COL4A4: variants seen among roughly 807,000 people sequenced by gnomAD.
The protein encoded by COL4A4 is collagen alpha-4(IV) chain.
A neutral mutation model predicts 192.9 loss-of-function variants in COL4A4; 105 were observed. That is an observed-to-expected ratio of 0.54 (90% confidence interval 0.46 to 0.64). COL4A4 has a LOEUF of 0.64. Ranked by LOEUF, COL4A4 falls within the 30% of genes least tolerant of loss-of-function variation. The pLI is 0.00. For missense variants in COL4A4, 1,967 were observed against 2,169.3 expected (o/e 0.91, Z 1.85); for synonymous variants, 762 against 769.9 (o/e 0.99, Z 0.17).
At chr2:227,096,271 A>G (rs2060202040) in intron 19 of COL4A4, among the ~76,000 whole-genome samples, 1 of 152,182 alleles carries the variant, frequency 6.6e-6, no homozygotes, top group South Asian at 2.1e-4. Flanking sequence ...TACACAAGAG[A>G]AATCAGAGAG....
chr2:227,114,778 T>A, intron 7 of COL4A4, 82 bp from the exon 8 acceptor site: 1 of 1,122,174 alleles, frequency 8.9e-7, no homozygotes, highest in Non-Finnish European at 1.3e-6. Flanking sequence ...AAAATATAAC[T>A]CATCAGTTAA....
At chr2:227,042,324 C>T (rs1971634042) in intron 36 of COL4A4, 69 bp from the exon 37 acceptor site, 1 of 877,632 alleles carries the variant, frequency 1.1e-6, no homozygotes, top group Admixed American at 1.8e-5. Context: ...CAAAAGTCAT[C>T]TATGTTCTTA....
intron 43 of COL4A4, 77 bp from the exon 44 acceptor site, chr2:227,022,250 T>C (rs1401553502): frequency 1.3e-6 from 2 of 1,552,506 alleles, no homozygotes; most frequent in Non-Finnish European, 1.8e-6. Context: ...CTGGTTAAAG[T>C]TGGACTTCTG....
At chr2:227,137,223 C>A (rs566908165) in intron 4 of COL4A4, among the ~76,000 whole-genome samples, 1 of 152,162 alleles carries the variant, frequency 6.6e-6, no homozygotes, top group Non-Finnish European at 1.5e-5. Context: ...CAATGCCTTG[C>A]GCTTGTTTAA....
chr2:227,031,290 G>A (rs1244580024), intron 40 of COL4A4, among the ~76,000 whole-genome samples: 1 of 152,144 alleles, frequency 6.6e-6, no homozygotes. Flanking sequence ...AAGATTCAAA[G>A]ATGATGGGCA....
At chr2:227,058,029 AAAGAAC>A (rs1975913553) in intron 28 of COL4A4, among the ~76,000 whole-genome samples, 1 of 152,224 alleles carries the variant, frequency 6.6e-6, no homozygotes, top group South Asian at 2.1e-4. Context: ...AATCTTCAGG[AAAGAAC>A]ATCCCCCATA....
intron 44 of COL4A4, among the ~76,000 whole-genome samples, chr2:227,016,310 C>T (rs1964843535): frequency 6.6e-6 from 1 of 152,182 alleles, no homozygotes; most frequent in Non-Finnish European, 1.5e-5. Flanking sequence ...TGTTCATTCA[C>T]CAAATGTTTA....
chr2:227,155,424 A>T (rs965673764), intron 1 of COL4A4, among the ~76,000 whole-genome samples: 4 of 152,206 alleles, frequency 2.6e-5, no homozygotes, highest in Non-Finnish European at 5.9e-5. Context: ...ATGTTCCAAA[A>T]TTATACAACT....
chr2:227,157,367 C>A (rs114492895), intron 1 of COL4A4, among the ~76,000 whole-genome samples: 168 of 152,046 alleles, frequency 1.1e-3, no homozygotes, highest in African/African-American at 3.7e-3. Flanking sequence ...AATCAATTAC[C>A]TAAGCTTCTA....
At chr2:227,082,380 T>C (rs1005769174) in intron 22 of COL4A4, among the ~76,000 whole-genome samples, 193 bp from the exon 23 acceptor site, 1 of 152,216 alleles carries the variant, frequency 6.6e-6, no homozygotes, top group Admixed American at 6.5e-5. Flanking sequence ...TTGAACTACA[T>C]GTCAAATGTA....
chr2:227,092,859 CTT>C (rs1231632927), intron 20 of COL4A4, among the ~76,000 whole-genome samples: 1 of 152,154 alleles, frequency 6.6e-6, no homozygotes, highest in East Asian at 1.9e-4. Context: ...CTAAATTCAT[CTT>C]CCGTAAAGGA....
the COL4A4 span, chr2:226,988,420 C>T: frequency 3.9e-6 from 6 of 1,550,356 alleles, no homozygotes; most frequent in African/African-American, 8.2e-5. Context: ...GCCTGGGAAG[C>T]CTGAAGCAGG....
chr2:227,090,028 G>T, intron 20 of COL4A4, 71 bp from the exon 21 acceptor site: 1 of 1,279,844 alleles, frequency 7.8e-7, no homozygotes, highest in Non-Finnish European at 1.1e-6. Context: ...TAGAATAAGT[G>T]ACTTTTGCAC....
chr2:227,039,903 C>T (rs537393953), intron 37 of COL4A4, among the ~76,000 whole-genome samples: 5 of 152,138 alleles, frequency 3.3e-5, no homozygotes, highest in African/African-American at 7.2e-5. Flanking sequence ...TCAATGAAGA[C>T]GGAGAACAGT....
At chr2:226,998,006 TTATCTC>T (rs771518831), downstream of COL4A4, 11 of 152,232 alleles carry the variant, frequency 7.2e-5, no homozygotes, top group Non-Finnish European at 1.6e-4. Context: ...ATTAGACTAA[TTATCTC>T]TAGTAGGGAA....
At chr2:227,060,077 T>G (rs1457527880) in intron 27 of COL4A4, 59 bp downstream of exon 27, 1 of 1,045,158 alleles carries the variant, frequency 9.6e-7, no homozygotes, top group Admixed American at 2.4e-5. Flanking sequence ...TGTTAAAAAG[T>G]TCCTGATAGA....
At chr2:227,148,856 T>C (rs984789730) in intron 1 of COL4A4, among the ~76,000 whole-genome samples, 2 of 151,362 alleles carry the variant, frequency 1.3e-5, no homozygotes, top group Non-Finnish European at 2.9e-5. Context: ...TTTTTTTTTT[T>C]CTGAGACGGG....
At chr2:227,070,583 A>G (rs2058655555) in intron 25 of COL4A4, among the ~76,000 whole-genome samples, 1 of 152,042 alleles carries the variant, frequency 6.6e-6, no homozygotes. Flanking sequence ...CATGGATGAA[A>G]CTGGAAATCA....
intron 4 of COL4A4, among the ~76,000 whole-genome samples, chr2:227,129,451 C>A (rs891878860): frequency 6.6e-6 from 1 of 151,072 alleles, no homozygotes; most frequent in African/African-American, 2.4e-5. Context: ...ACTCTGTCAC[C>A]CAGGCTGGAG....
Sources: gnomAD v4.1 joint callset for allele counts (sites outside exome capture counted in the v4.1 genomes callset) on GRCh38, gnomAD v4.1.1 for gene constraint, MANE v1.5 for transcripts, NCBI Gene and HGNC (gene_info 2026-07-23, HGNC 2026-07-21) for gene names.